Variants in SCP2 observed in about 807,000 individuals in gnomAD.
SCP2 encodes sterol carrier protein 2.
Under a neutral mutation model 71.4 loss-of-function variants are expected in SCP2, and 48 were observed. That is an observed-to-expected ratio of 0.67 (90% confidence interval 0.53 to 0.86). The LOEUF (loss-of-function observed/expected upper bound fraction) is 0.86, where lower values mean the gene tolerates loss of function less well. SCP2 is among the 40% of genes least tolerant of loss of function. The pLI, the probability that SCP2 is intolerant of heterozygous loss-of-function variation, is 0.00. For synonymous variants in SCP2, 220 were observed against 218.1 expected (o/e 1.01, Z -0.08); for missense variants, 560 against 655.6 (o/e 0.85, Z 1.59).
At position 52,941,861 on chromosome 1, in the gene SCP2, A is replaced by G. The variant is rs914419966; in HGVS notation, c.127+8A>G. On this transcript the variant is annotated splice_region_variant and intron_variant, in intron 2 of 15. Coordinates refer to ENST00000371514, the MANE Select transcript of SCP2 (RefSeq NM_002979.5). ...ACTTGGCAGAAGAAGCAGGTAACAT[A>G]GAACATTTAGATCTTTGAACATTCA... 6.9e-6 allele frequency: 11 copies of G among 1,584,866 alleles called. No individual in the cohort carries two copies. The highest frequency in any genetic ancestry group is 9.5e-6 in the Non-Finnish European group (11 of 1,153,450).
chr1:53,015,155 G>T, intron 12 of SCP2, 112 bp downstream of exon 12: 2 of 1,047,438 alleles, frequency 1.9e-6, no homozygotes, highest in Non-Finnish European at 2.9e-6. Flanking sequence ...TTAAGGAAAA[G>T]TATCTCATTA....
At chr1:53,019,741 G>C (rs559802152) in intron 12 of SCP2, among the ~76,000 whole-genome samples, 3 of 152,114 alleles carry the variant, frequency 2.0e-5, no homozygotes, top group African/African-American at 7.2e-5. Flanking sequence ...AGGAATGCAC[G>C]CAATAATCTT....
intron 1 of SCP2, among the ~76,000 whole-genome samples, chr1:52,930,767 G>A (rs1426277515): frequency 6.6e-6 from 1 of 152,148 alleles, no homozygotes; most frequent in Non-Finnish European, 1.5e-5. Context: ...CTGACTCTGA[G>A]GCTCAGAGGG....
At position 53,028,072 on chromosome 1, in the gene SCP2, G is replaced by A; in HGVS notation, c.1338+1G>A. On this transcript the variant is annotated splice_donor_variant, in intron 13 of 15. Coordinates refer to ENST00000371514, the MANE Select transcript of SCP2 (RefSeq NM_002979.5). LOFTEE classifies it high-confidence loss of function. ...GGAGATTGAGAAGAAACTTGAAGAG[G>A]TAAGATTTATGTAAAATATTGCCAG... 1 of 1,544,150 alleles carries A rather than the reference G, an allele frequency of 6.5e-7. No individual in the cohort carries two copies. The highest frequency in any genetic ancestry group is 9.0e-7 in the Non-Finnish European group (1 of 1,116,772).
intron 11 of SCP2, among the ~76,000 whole-genome samples, chr1:52,999,812 C>CTTTTTTTTTT (rs1557598899): frequency 4.8e-4 from 58 of 119,890 alleles, no homozygotes; most frequent in Admixed American, 2.1e-3. Context: ...TTACTGAACA[C>CTTTTTTTTTT]TTGTTTTTTT....
intron 11 of SCP2, 84 bp downstream of exon 11, chr1:52,988,220 A>T (rs1457371842): frequency 1.7e-5 from 13 of 761,078 alleles, no homozygotes; most frequent in Non-Finnish European, 3.1e-5. Flanking sequence ...TGAATGAAAG[A>T]TTATATTCTC....
At chr1:52,961,234 C>A (rs1305917458) in intron 5 of SCP2, among the ~76,000 whole-genome samples, 2 of 151,894 alleles carry the variant, frequency 1.3e-5, no homozygotes, top group Non-Finnish European at 2.9e-5. Context: ...CCCCAACCCC[C>A]ACCCCACAAC....
chr1:52,959,071 G>A (rs1229839065), intron 5 of SCP2, among the ~76,000 whole-genome samples: 2 of 152,110 alleles, frequency 1.3e-5, no homozygotes, highest in South Asian at 2.1e-4. Context: ...TAGCTGAGAA[G>A]TGTTCTCCTC....
chr1:52,965,862 T>G (rs576989800), intron 6 of SCP2, among the ~76,000 whole-genome samples: 20 of 151,972 alleles, frequency 1.3e-4, no homozygotes, highest in Admixed American at 4.6e-4. Flanking sequence ...GCCAGGCTGG[T>G]CTTGAACTCC....
At chr1:53,015,567 T>C (rs1386429406) in intron 12 of SCP2, among the ~76,000 whole-genome samples, 1 of 151,968 alleles carries the variant, frequency 6.6e-6, no homozygotes, top group African/African-American at 2.4e-5. Flanking sequence ...TGCTTATCTC[T>C]CAAAGAAATG....
intron 6 of SCP2, among the ~76,000 whole-genome samples, chr1:52,967,975 A>G (rs1366777490): frequency 3.9e-5 from 6 of 152,160 alleles, no homozygotes; most frequent in Admixed American, 1.3e-4. Flanking sequence ...TATAGCCTCC[A>G]GTGGTATACT....
At chr1:53,024,901 T>G (rs1278771109) in intron 12 of SCP2, among the ~76,000 whole-genome samples, 3 of 151,968 alleles carry the variant, frequency 2.0e-5, no homozygotes, top group Non-Finnish European at 4.4e-5. Flanking sequence ...AAGAGATTAG[T>G]GAAAATAAAG....
chr1:52,985,861 A>G (rs1264658340), intron 10 of SCP2, among the ~76,000 whole-genome samples: 2 of 151,788 alleles, frequency 1.3e-5, no homozygotes, highest in African/African-American at 4.8e-5. Context: ...TTCTCCGATC[A>G]CTTTGTTTGA....
intron 2 of SCP2, chr1:52,943,725 G>A (rs1342750137): frequency 6.5e-6 from 3 of 460,122 alleles, no homozygotes; most frequent in African/African-American, 6.1e-5. Context: ...TGTTGCACCA[G>A]ACGCTGGAAG....
Position 53,039,753 on chromosome 1 carries a change from C to T in SCP2, c.1468+707C>T, listed in dbSNP as rs185892061. Among the ~76,000 whole-genome samples, 355 of 152,282 alleles carry T rather than the reference C, an allele frequency of 2.3e-3. 1 individual carries two copies. The highest frequency in any genetic ancestry group is 0.017 in the Middle Eastern group (5 of 294). On this transcript the variant is annotated intron_variant, in intron 14 of 15. Transcript: ENST00000371514. ...AGGCTCAGTTCTATTTGCCTTAATT[C>T]CTTGGGGATCTTAACTAGTCCCATG...
chr1:52,982,959 CAA>C (rs1322446943), intron 10 of SCP2, among the ~76,000 whole-genome samples: 1 of 152,158 alleles, frequency 6.6e-6, no homozygotes, highest in Admixed American at 6.6e-5. Context: ...CTTGAACACC[CAA>C]GTTTTTCTCT....
chr1:53,044,093 T>C (rs570923200), intron 14 of SCP2, among the ~76,000 whole-genome samples: 2 of 152,046 alleles, frequency 1.3e-5, no homozygotes, highest in African/African-American at 4.8e-5. Flanking sequence ...AGTCTCACTC[T>C]TGTCACCCAG....
chr1:52,969,543 C>G (rs754650122), intron 6 of SCP2, among the ~76,000 whole-genome samples: 15 of 147,126 alleles, frequency 1.0e-4, no homozygotes, highest in Admixed American at 8.2e-4. Flanking sequence ...CTAAAAAGGC[C>G]AGGCACAGTG....
chr1:52,999,818 T>G (rs992229762), intron 11 of SCP2, among the ~76,000 whole-genome samples: 1 of 146,644 alleles, frequency 6.8e-6, no homozygotes, highest in African/African-American at 2.5e-5. Flanking sequence ...AACACTTGTT[T>G]TTTTTTTTTT....
Sources: allele counts gnomAD v4.1 joint callset (sites outside exome capture counted in the v4.1 genomes callset), GRCh38; gene constraint gnomAD v4.1.1; transcripts MANE v1.5; gene names NCBI Gene and HGNC (gene_info 2026-07-23, HGNC 2026-07-21).